The following ZC3H18 variants were observed in gnomAD, a reference collection of about 807,000 sequenced individuals.
The protein encoded by ZC3H18 is zinc finger CCCH domain-containing protein 18.
In ZC3H18, 8 loss-of-function variants were observed where a neutral mutation model predicts 106.1. That is an observed-to-expected ratio of 0.08 (90% CI 0.04 to 0.14). The LOEUF (loss-of-function observed/expected upper bound fraction) is 0.14. Among genes scored for constraint, ZC3H18 ranks in the 10% least tolerant of loss-of-function variants. The probability of loss-of-function intolerance (pLI) is 1.00; values close to 1 mark genes in which losing one functional copy is unlikely to be tolerated. For missense variants in ZC3H18, 1,318 were observed against 1,278.4 expected (o/e 1.03, Z -0.47); for synonymous variants, 635 against 522.1 (o/e 1.22, Z -2.95).
At chr16:88,570,839 A>G (rs541542434) in intron 1 of ZC3H18, among the ~76,000 whole-genome samples, 36 of 152,296 alleles carry the variant, frequency 2.4e-4, no homozygotes, top group Admixed American at 6.5e-4. Context: ...GCCCCGCGGC[A>G]GAGTTTATTT....
intron 8 of ZC3H18, among the ~76,000 whole-genome samples, chr16:88,619,456 C>A (rs1334579202): frequency 6.6e-6 from 1 of 151,956 alleles, no homozygotes; most frequent in East Asian, 1.9e-4. Flanking sequence ...TGTGCAGTGA[C>A]GAGATGGTGC....
chr16:88,571,677 G>A, intron 1 of ZC3H18: 1 of 985,390 alleles, frequency 1.0e-6, no homozygotes, highest in East Asian at 1.1e-4. Context: ...AAACAGGTAA[G>A]TTAACCTATG....
At position 88,628,752 on chromosome 16, in the gene ZC3H18, TC is replaced by T; in HGVS notation, c.2470-3del. ...GCTGTCCTCACTGGCCTCTCTCTTG[TC>T]CCAGGCGGCTGATAAAGGAAGCAGG... On this transcript the variant is annotated splice_region_variant and splice_polypyrimidine_tract_variant and intron_variant, in intron 15 of 17. Transcript: ENST00000301011. The T allele has an allele frequency of 6.2e-7, 1 of 1,613,806 alleles. No individual in the cohort carries two copies. Among genetic ancestry groups the T allele is most frequent in the Non-Finnish European group, 8.5e-7 (1 of 1,179,880 alleles).
intron 15 of ZC3H18, 129 bp from the exon 16 acceptor site, chr16:88,628,629 C>T (rs1906466732): frequency 2.1e-6 from 2 of 974,252 alleles, no homozygotes; most frequent in Non-Finnish European, 3.2e-6. Context: ...GCTACGGGGT[C>T]TCATGGGTGT....
chr16:88,603,076 T>G (rs1904831388), intron 6 of ZC3H18, among the ~76,000 whole-genome samples: 1 of 151,868 alleles, frequency 6.6e-6, no homozygotes, highest in Non-Finnish European at 1.5e-5. Context: ...GCCATTCTCC[T>G]GCCTCAGCCT....
chr16:88,574,443 G>A (rs1597315305), intron 1 of ZC3H18, among the ~76,000 whole-genome samples: 2 of 151,052 alleles, frequency 1.3e-5, no homozygotes, highest in African/African-American at 4.9e-5. Context: ...TCCTGACTTC[G>A]GATGATCCAC....
intron 3 of ZC3H18, among the ~76,000 whole-genome samples, chr16:88,591,230 A>G (rs1295256959): frequency 2.6e-5 from 4 of 151,368 alleles, no homozygotes; most frequent in Non-Finnish European, 5.9e-5. Context: ...TCGGCCTCCC[A>G]AAGTGCTGGG....
At chr16:88,583,290 C>T (rs1915244080) in intron 2 of ZC3H18, among the ~76,000 whole-genome samples, 1 of 152,262 alleles carries the variant, frequency 6.6e-6, no homozygotes, top group African/African-American at 2.4e-5. Flanking sequence ...TCCCCTGTGT[C>T]ATTGCTCTGA....
intron 7 of ZC3H18, 137 bp downstream of exon 7, chr16:88,609,188 T>C: frequency 1.7e-6 from 1 of 591,700 alleles, no homozygotes; most frequent in South Asian, 3.2e-5. Context: ...GAAAACCAAA[T>C]TGATTGTTAC....
intron 1 of ZC3H18, chr16:88,571,581 G>A (rs2142504579): frequency 1.0e-6 from 1 of 984,024 alleles, no homozygotes; most frequent in South Asian, 4.7e-5. Context: ...AGTCAAATGT[G>A]TCCCAAAGCC....
chr16:88,605,935 G>T (rs1351679015), intron 6 of ZC3H18, among the ~76,000 whole-genome samples: 1 of 152,260 alleles, frequency 6.6e-6, no homozygotes, highest in Non-Finnish European at 1.5e-5. Flanking sequence ...CCACGTGCCA[G>T]TGCTGAGTCT....
intron 6 of ZC3H18, among the ~76,000 whole-genome samples, chr16:88,603,346 C>T (rs1183939607): frequency 6.6e-6 from 1 of 151,446 alleles, no homozygotes; most frequent in Non-Finnish European, 1.5e-5. Context: ...TGTGGCCGGG[C>T]ACGGTGGCTC....
chr16:88,576,802 C>G (rs1914780566), intron 1 of ZC3H18, among the ~76,000 whole-genome samples: 1 of 152,250 alleles, frequency 6.6e-6, no homozygotes, highest in Non-Finnish European at 1.5e-5. Context: ...TACTCACTTT[C>G]TGTTAACTCG....
intron 2 of ZC3H18, among the ~76,000 whole-genome samples, chr16:88,579,180 G>A (rs559081172): frequency 6.6e-5 from 10 of 152,350 alleles, no homozygotes; most frequent in South Asian, 2.1e-4. Flanking sequence ...TTTCCGCAGC[G>A]AAGTGTAGGA....
At position 88,623,196 on chromosome 16, in the gene ZC3H18, A is replaced by T. The variant is rs377076577; in HGVS notation, c.1668-23A>T. The T allele has an allele frequency of 1.3e-3, 2,123 of 1,608,454 alleles. 41 individuals are homozygous for T. The South Asian group carries it at 0.022, about 17-fold the overall frequency. Reference sequence around the variant, plus strand: ...GGGAGGGCCCTTCTCACTTCTCGCCACGCTCCGTCCCGCCCGCCCCAGGTC... The same window carrying T: ...GGGAGGGCCCTTCTCACTTCTCGCCTCGCTCCGTCCCGCCCGCCCCAGGTC... On this transcript the variant is annotated intron_variant, in intron 9 of 17. Transcript: ENST00000301011.
chr16:88,587,420 G>T, intron 3 of ZC3H18: 1 of 760,502 alleles, frequency 1.3e-6, no homozygotes, highest in Non-Finnish European at 2.1e-6. Context: ...GTTCCCCTTG[G>T]AAAGGTAGGA....
At chr16:88,578,656 C>A (rs1483938667) in intron 2 of ZC3H18, among the ~76,000 whole-genome samples, 2 of 151,984 alleles carry the variant, frequency 1.3e-5, no homozygotes, top group Non-Finnish European at 1.5e-5. Context: ...GTAAAGGCTG[C>A]CAGTTAGATG....
chr16:88,577,267 GGAGGAT>G lies in ZC3H18; in HGVS notation c.150_155del (p.Asp50_Glu51del). ...GGGCGGGGGTGAGGGCTTCTGATCTGGAGGATGAGGAAAGTGCAGCCAGGGGGCCGA... is the reference window on the plus strand; with the variant it reads ...GGGCGGGGGTGAGGGCTTCTGATCTGGAGGAAAGTGCAGCCAGGGGGCCGA... On this transcript the variant is annotated inframe_deletion, in exon 2 of 18. Transcript: ENST00000301011. The G allele has an allele frequency of 1.2e-6, 2 of 1,613,560 alleles. No individual in the cohort carries two copies. The highest frequency in any genetic ancestry group is 1.7e-6 in the Non-Finnish European group (2 of 1,179,802).
chr16:88,577,221 G>A lies in ZC3H18; in HGVS notation c.98G>A (p.Gly33Glu), dbSNP rs866569538. Residue 33 changes from glycine to glutamate, a missense_variant, in exon 2 of 18, where the codon GGG becomes GAG. Gly to Glu is a moderately conservative substitution (Grantham distance 98). Transcript: ENST00000301011. The part of the protein sequence containing the change: ...LSDDDILRDS[G>E]SDQDLDGAGV... ...GACGATGACATTCTGAGGGACAGCG[G>A]GTCCGATCAGGATTTGGACGGGGCG... is the stretch of plus-strand genomic sequence containing the variant. 6.2e-7 allele frequency: 1 copy of A among 1,613,404 alleles called. No individual in the cohort carries two copies.
Sources: allele counts gnomAD v4.1 joint callset (sites outside exome capture counted in the v4.1 genomes callset), GRCh38; gene constraint gnomAD v4.1.1; transcripts MANE v1.5; gene names NCBI Gene and HGNC (gene_info 2026-07-23, HGNC 2026-07-21).